The following CDH23 variants were observed in gnomAD, a reference collection of about 807,000 sequenced individuals.
CDH23 encodes the protein cadherin related 23.
In CDH23, 189 loss-of-function variants were observed where a neutral mutation model predicts 317.1. The observed-to-expected ratio is 0.60, with a 90% CI of 0.53 to 0.67. The LOEUF (loss-of-function observed/expected upper bound fraction) is 0.67. Among genes scored for constraint, CDH23 ranks in the 30% least tolerant of loss-of-function variants. CDH23 has a pLI of 0.00. For synonymous variants in CDH23, 1,839 were observed against 1,876.8 expected (o/e 0.98, Z 0.52); for missense variants, 4,401 against 4,592.4 (o/e 0.96, Z 1.20).
intron 3 of CDH23, among the ~76,000 whole-genome samples, chr10:71,492,734 C>T (rs1328883073): frequency 2.0e-5 from 3 of 151,820 alleles, no homozygotes; most frequent in Admixed American, 6.5e-5. Context: ...GGTCAGAGTT[C>T]CTGCCTTCAG....
intron 1 of CDH23, among the ~76,000 whole-genome samples, chr10:71,418,014 T>C (rs188604804): frequency 6.8e-4 from 103 of 152,380 alleles, no homozygotes; most frequent in Middle Eastern, 6.8e-3. Flanking sequence ...TTCTAATTAT[T>C]ATATTATTCC....
intron 11 of CDH23, among the ~76,000 whole-genome samples, chr10:71,621,697 CTG>C (rs1215695438): frequency 6.6e-6 from 1 of 152,186 alleles, no homozygotes; most frequent in East Asian, 1.9e-4. Flanking sequence ...CATAGGAACT[CTG>C]TGGCAGTCTC....
intron 6 of CDH23, among the ~76,000 whole-genome samples, chr10:71,530,034 G>GAC (rs57652121): frequency 0.098 from 13,806 of 140,780 alleles, 706 homozygotes; most frequent in South Asian, 0.21. Flanking sequence ...CACACATACA[G>GAC]ACACACACAC....
At chr10:71,633,275 C>G (rs1164122210) in intron 11 of CDH23, among the ~76,000 whole-genome samples, 1 of 152,124 alleles carries the variant, frequency 6.6e-6, no homozygotes, top group Non-Finnish European at 1.5e-5. Flanking sequence ...ACCATCCTTC[C>G]TTCTCTGTGT....
chr10:71,436,756 T>C (rs1191684182), intron 1 of CDH23, among the ~76,000 whole-genome samples: 3 of 152,234 alleles, frequency 2.0e-5, no homozygotes, highest in Non-Finnish European at 4.4e-5. Flanking sequence ...AATGGTGTGC[T>C]CTCCCCAGCT....
intron 9 of CDH23, among the ~76,000 whole-genome samples, chr10:71,596,327 A>G (rs1329284743): frequency 6.6e-6 from 1 of 152,160 alleles, no homozygotes; most frequent in East Asian, 1.9e-4. Context: ...GAAAGGTAAC[A>G]TAACATGTAG....
chr10:71,530,873 T>C (rs1161688488), intron 6 of CDH23, among the ~76,000 whole-genome samples: 1 of 152,196 alleles, frequency 6.6e-6, no homozygotes, highest in African/African-American at 2.4e-5. Context: ...ACTCTTCCCA[T>C]CATGTAGATA....
intron 38 of CDH23, among the ~76,000 whole-genome samples, chr10:71,771,990 G>C (rs926890044): frequency 6.6e-6 from 1 of 152,230 alleles, no homozygotes; most frequent in African/African-American, 2.4e-5. Flanking sequence ...TGACAGGTGG[G>C]ATGCTGGCTT....
rs369153202 is a variant in CDH23 at position 71,509,862 on chromosome 10, C to T, written c.146-220C>T. ...TCAGAACATGGTGAGTGGTGGTTCC[C>T]TGATACCATCATGACACACTGTGAC... On this transcript the variant is annotated intron_variant, in intron 3 of 69. Transcript: ENST00000224721. The T allele has an allele frequency of 3.5e-5, 20 of 571,930 alleles. No homozygotes were observed. In the African/African-American group the frequency reaches 3.7e-4, roughly 11 times the overall value. The allele number at this position is 571,930 out of a possible 1,614,324, so 35.4% of individuals were successfully genotyped here.
Position 71,731,965 on chromosome 10 carries a change from C to T in CDH23, c.3716-22C>T, listed in dbSNP as rs777009430. On this transcript the variant is annotated intron_variant, in intron 31 of 69. Coordinates refer to ENST00000224721, the MANE Select transcript of CDH23 (RefSeq NM_022124.6). Reference sequence around the variant, plus strand: ...CCACTCAGTTCTATCTGGGACTGCACAGCCTCTGTGTCCTCCTACAGGGGA... The same window carrying T: ...CCACTCAGTTCTATCTGGGACTGCATAGCCTCTGTGTCCTCCTACAGGGGA... 3.1e-6 allele frequency: 5 copies of T among 1,607,864 alleles called. No individual in the cohort carries two copies. In the African/African-American group the frequency reaches 5.3e-5, roughly 17 times the overall value.
At chr10:71,689,914 C>T (rs965506724) in intron 19 of CDH23, among the ~76,000 whole-genome samples, 8 of 152,162 alleles carry the variant, frequency 5.3e-5, no homozygotes, top group African/African-American at 1.7e-4. Flanking sequence ...AGCTTCAGGA[C>T]AAGCTGTTCT....
intron 1 of CDH23, among the ~76,000 whole-genome samples, chr10:71,403,324 TTC>T: frequency 1.1e-5 from 1 of 88,610 alleles, no homozygotes; most frequent in Non-Finnish European, 2.0e-5. Context: ...TCTTCCTTCC[TTC>T]CTTTCTTTCT....
At position 71,803,235 on chromosome 10, in the gene CDH23, G is replaced by C. The variant is rs1459213140; in HGVS notation, c.7687G>C (p.Gly2563Arg). The change falls in exon 55 of 70, where the codon GGC (glycine) becomes CGC (arginine). Residue 2563 changes from glycine (G) to arginine (R), a missense_variant. By Grantham distance (125) the Gly-to-Arg change is moderately radical. Around this residue, in one of 3 missense-constraint regions of CDH23, gnomAD observed 1,144 missense variants for 1,138.2 expected, o/e 1.01. Coordinates refer to ENST00000224721, the MANE Select transcript of CDH23 (RefSeq NM_022124.6). ...VEAFHVDMDS[G>R]LVTTQRPLQS... ...GGCCTTCCATGTGGACATGGACTCG[G>C]GCTTGGTGACCACACAGCGGCCACT... 6.2e-7 allele frequency: 1 copy of C among 1,603,104 alleles called. No homozygotes were observed. The highest frequency in any genetic ancestry group is 1.3e-5 in the African/African-American group (1 of 74,658).
At chr10:71,759,888 TACACACACAC>T (rs1491280315) in intron 38 of CDH23, among the ~76,000 whole-genome samples, 26 of 29,922 alleles carry the variant, frequency 8.7e-4, no homozygotes, top group South Asian at 2.1e-3. Context: ...CACACACATA[TACACACACAC>T]ATATATACAC....
chr10:71,426,070 C>A (rs1347003590), intron 1 of CDH23, among the ~76,000 whole-genome samples: 2 of 152,190 alleles, frequency 1.3e-5, no homozygotes, highest in Non-Finnish European at 2.9e-5. Flanking sequence ...CCCCTCCCAC[C>A]CCTCTGTCTT....
At chr10:71,563,752 T>C (rs1378676819) in intron 6 of CDH23, among the ~76,000 whole-genome samples, 11 of 150,556 alleles carry the variant, frequency 7.3e-5, no homozygotes, top group African/African-American at 1.7e-4. Context: ...TTTTCTTTTT[T>C]TTTTTTTCTT....
chr10:71,644,052 C>T (rs1862706698), intron 12 of CDH23, among the ~76,000 whole-genome samples, 186 bp downstream of exon 12: 1 of 152,264 alleles, frequency 6.6e-6, no homozygotes, highest in African/African-American at 2.4e-5. Context: ...CAAACTGTCA[C>T]ACCCCACTGG....
chr10:71,672,624 T>C (rs1864195146), intron 14 of CDH23, among the ~76,000 whole-genome samples: 1 of 152,196 alleles, frequency 6.6e-6, no homozygotes, highest in East Asian at 1.9e-4. Context: ...CAAGGGTCAC[T>C]GTGGGAACCA....
At chr10:71,714,210 G>A (rs1486210908) in intron 28 of CDH23, 1 of 152,100 alleles carries the variant, frequency 6.6e-6, no homozygotes, top group Non-Finnish European at 1.5e-5. Flanking sequence ...AGCCTGCTTG[G>A]AGAGAAATCT....
Sources: gnomAD v4.1 joint callset for allele counts (sites outside exome capture counted in the v4.1 genomes callset) on GRCh38, gnomAD v4.1.1 for gene constraint, gnomAD v4.1.1 regional missense constraint, MANE v1.5 for transcripts, NCBI Gene and HGNC (gene_info 2026-07-23, HGNC 2026-07-21) for gene names.